MET: variants seen among roughly 807,000 people sequenced by gnomAD.
MET encodes MET proto-oncogene, receptor tyrosine kinase, also known as hepatocyte growth factor receptor.
Under a neutral mutation model 133.1 loss-of-function variants are expected in MET, and 48 were observed. That is an observed-to-expected ratio of 0.36 (90% CI 0.29 to 0.46). The LOEUF is 0.46. Among genes scored for constraint, MET ranks in the 20% least tolerant of loss-of-function variants. MET has a pLI of 1.00. For missense variants in MET, 1,442 were observed against 1,695.9 expected, an observed-to-expected ratio of 0.85 and a Z score of 2.63; for synonymous variants, 628 against 616.5, an observed-to-expected ratio of 1.02 and a Z score of -0.28.
At chr7:116,759,628 AT>A in intron 10 of MET, 138 bp downstream of exon 10, 2 of 977,080 alleles carry the variant, frequency 2.0e-6, no homozygotes, top group Non-Finnish European at 3.2e-6. Context: ...GCCAAGTAGT[AT>A]TTTTTATTTA....
Position 116,718,258 on chromosome 7 carries a change from G to A in MET, c.1201-13410G>A, listed in dbSNP as rs558020397. On this transcript the variant is annotated intron_variant, in intron 2 of 20. Coordinates refer to ENST00000397752, the MANE Select transcript of MET (RefSeq NM_000245.4). Reference sequence around the variant, plus strand: ...AAAAAAGTTAGCCAGATATGGTGGCGGGCACCTGTAGTCTCAGCTATTCAG... The same window carrying A: ...AAAAAAGTTAGCCAGATATGGTGGCAGGCACCTGTAGTCTCAGCTATTCAG... Among the ~76,000 whole-genome samples, 365 of 151,972 alleles carry A rather than the reference G, an allele frequency of 2.4e-3. 3 individuals carry two copies. Among genetic ancestry groups the A allele is most frequent in the African/African-American group, 8.2e-3 (341 of 41,446 alleles).
intron 12 of MET, 71 bp downstream of exon 12, chr7:116,769,862 A>C (rs1310619482): frequency 6.2e-7 from 1 of 1,603,122 alleles, no homozygotes; most frequent in Non-Finnish European, 8.5e-7. Flanking sequence ...TCAGGCTTAA[A>C]ATAAATCATT....
chr7:116,712,163 C>T (rs1792026374), intron 2 of MET, among the ~76,000 whole-genome samples: 1 of 152,202 alleles, frequency 6.6e-6, no homozygotes, highest in Non-Finnish European at 1.5e-5. Context: ...GCTTGGTCCA[C>T]TTCAGATTCC....
At chr7:116,757,413 T>C (rs775969203) in intron 6 of MET, 24 bp from the exon 7 acceptor site, 2 of 1,597,084 alleles carry the variant, frequency 1.3e-6, no homozygotes, top group Admixed American at 3.3e-5. Context: ...TTGTCATGTA[T>C]TAAACTTTGG....
intron 2 of MET, among the ~76,000 whole-genome samples, chr7:116,705,669 T>G (rs904654047): frequency 2.0e-5 from 3 of 152,184 alleles, no homozygotes; most frequent in Non-Finnish European, 4.4e-5. Context: ...AAGAAAATCC[T>G]TGAGGTATAA....
intron 2 of MET, among the ~76,000 whole-genome samples, chr7:116,713,614 A>G (rs983672340): frequency 6.6e-6 from 1 of 152,120 alleles, no homozygotes; most frequent in African/African-American, 2.4e-5. Flanking sequence ...AGGGGAGCCC[A>G]CAGATGGAGG....
chr7:116,690,786 C>T (rs1796755751), intron 1 of MET, among the ~76,000 whole-genome samples: 1 of 152,298 alleles, frequency 6.6e-6, no homozygotes, highest in Admixed American at 6.5e-5. Context: ...GGACTGTACA[C>T]TCTTTGAGGG....
chr7:116,792,405 C>T (rs1304271896), intron 19 of MET, among the ~76,000 whole-genome samples: 1 of 151,166 alleles, frequency 6.6e-6, no homozygotes, highest in Non-Finnish European at 1.5e-5. Context: ...TCCTAATGCA[C>T]ATGAATTGTA....
chr7:116,677,053 C>T (rs1211247302), intron 1 of MET, among the ~76,000 whole-genome samples: 2 of 151,762 alleles, frequency 1.3e-5, no homozygotes, highest in Non-Finnish European at 2.9e-5. Flanking sequence ...GGTCCCATCC[C>T]ATACTCCATC....
chr7:116,776,879 C>T (rs1795008815), intron 15 of MET, among the ~76,000 whole-genome samples: 1 of 152,196 alleles, frequency 6.6e-6, no homozygotes, highest in Admixed American at 6.5e-5. Flanking sequence ...ACGTATTAAC[C>T]AGTGACTAAT....
At chr7:116,772,058 T>C (rs2116999273) in intron 14 of MET, 69 bp downstream of exon 14, 1 of 1,571,928 alleles carries the variant, frequency 6.4e-7, no homozygotes, top group Non-Finnish European at 8.7e-7. Context: ...CATTGTTGTT[T>C]ATTTTTGGTT....
rs185019444 is a variant in MET at position 116,739,514 on chromosome 7, G to A, written c.1393-436G>A. Among the ~76,000 whole-genome samples, 39 of 152,276 alleles carry A rather than the reference G, an allele frequency of 2.6e-4. No individual in the cohort carries two copies. In the Middle Eastern group the frequency reaches 0.014, roughly 53 times the overall value. On this transcript the variant is annotated intron_variant, in intron 3 of 20. Coordinates refer to ENST00000397752, the MANE Select transcript of MET (RefSeq NM_000245.4). ...AACTAGCTCCAGTATTCCAGACTCCGCGTCCACTACTCTTAACCATTACAT... is the reference window on the plus strand; with the variant it reads ...AACTAGCTCCAGTATTCCAGACTCCACGTCCACTACTCTTAACCATTACAT...
chr7:116,776,026 G>T lies in MET; in HGVS notation c.3259+915G>T, dbSNP rs142913753. Among the ~76,000 whole-genome samples the T allele has an allele frequency of 3.3e-3, 495 of 150,516 alleles. 2 individuals carry two copies. Among genetic ancestry groups the T allele is most frequent in the African/African-American group, 0.011 (469 of 41,230 alleles). On this transcript the variant is annotated intron_variant, in intron 15 of 20. Transcript: ENST00000397752. ...TTTGTGGAAATATTTAGCAGGAAAAGAAACCAATCAAAAACCGGGAAATGA... is the reference window on the plus strand; with the variant it reads ...TTTGTGGAAATATTTAGCAGGAAAATAAACCAATCAAAAACCGGGAAATGA...
chr7:116,722,888 G>A (rs1283602430), intron 2 of MET, among the ~76,000 whole-genome samples: 145 of 148,958 alleles, frequency 9.7e-4, no homozygotes, highest in African/African-American at 3.4e-3. Flanking sequence ...AGGGTAACCC[G>A]ACCTTTCTCT....
chr7:116,708,977 A>G (rs576911053), intron 2 of MET, among the ~76,000 whole-genome samples: 10 of 152,306 alleles, frequency 6.6e-5, no homozygotes, highest in African/African-American at 1.2e-4. Context: ...CCCAAGTCAC[A>G]TTGTCTTTCT....
rs1060503542 is a variant in MET, at chr7:116,699,892, G to C, written c.808G>C (p.Asp270His). The change falls in exon 2 of 21, where the codon GAT becomes CAT. Residue 270 changes from aspartate (D) to histidine (H), a missense_variant. Transcript: ENST00000397752. Reference protein sequence around the residue: ...YFLTVQRETLDAQTFHTRIIR... With the variant: ...YFLTVQRETLHAQTFHTRIIR... ...CTTGACGGTCCAAAGGGAAACTCTA[G>C]ATGCTCAGACTTTTCACACAAGAAT... 3.7e-6 allele frequency: 6 copies of C among 1,614,058 alleles called. No homozygotes were observed. The highest frequency in any genetic ancestry group is 4.5e-5 in the East Asian group (2 of 44,882).
In MET at chr7:116,785,574, CA is replaced by C. The variant is rs146143332; in HGVS notation, c.3798+2106del. 7.5e-3 allele frequency among the ~76,000 whole-genome samples: 1,144 copies of C among 152,288 alleles called. 24 individuals carry two copies. The highest frequency in any genetic ancestry group is 0.046 in the East Asian group (237 of 5,182). The stretch of plus-strand genomic sequence containing the variant: ...CTACCTCCATGATGCAGTCACCTCC[CA>C]CCAGGCCTCAGCTCCCACACTGGGG... On this transcript the variant is annotated intron_variant, in intron 19 of 20. Coordinates refer to ENST00000397752, the MANE Select transcript of MET (RefSeq NM_000245.4).
intron 1 of MET, among the ~76,000 whole-genome samples, chr7:116,673,518 C>T (rs140100846): frequency 1.0e-3 from 154 of 152,210 alleles, no homozygotes; most frequent in African/African-American, 3.0e-3. Context: ...CTATCTGGAC[C>T]CTCTCTTGAA....
At chr7:116,733,072 A>G (rs1422918531) in intron 3 of MET, among the ~76,000 whole-genome samples, 1 of 151,868 alleles carries the variant, frequency 6.6e-6, no homozygotes, top group African/African-American at 2.4e-5. Context: ...CAACTCATCC[A>G]TCTTGACCAT....
Sources: allele counts gnomAD v4.1 joint callset (sites outside exome capture counted in the v4.1 genomes callset), GRCh38; gene constraint gnomAD v4.1.1; transcripts MANE v1.5; gene names NCBI Gene and HGNC (gene_info 2026-07-23, HGNC 2026-07-21).